Variants in UBR4 observed in about 807,000 individuals in gnomAD.
UBR4 encodes ubiquitin protein ligase E3 component n-recognin 4, also known as E3 ubiquitin-protein ligase UBR4.
In UBR4, 124 loss-of-function variants were observed where a neutral mutation model predicts 575.6. The ratio of observed to expected loss-of-function variants is 0.22; its 90% CI spans 0.19 to 0.25. The LOEUF (loss-of-function observed/expected upper bound fraction) is 0.25, where lower values mean the gene tolerates loss of function less well. UBR4 is among the 10% of genes least tolerant of loss of function. The pLI is 1.00. For missense variants in UBR4, 4,818 were observed against 6,478.8 expected (o/e 0.74, Z 8.80); for synonymous variants, 2,455 against 2,473.7 (o/e 0.99, Z 0.22).
Position 19,113,847 on chromosome 1 carries a change from G to A in UBR4, c.11329-20C>T, listed in dbSNP as rs755175967. 2 of 1,614,178 alleles carry A rather than the reference G, an allele frequency of 1.2e-6. No individual in the cohort carries two copies. The highest frequency in any genetic ancestry group is 1.7e-6 in the Non-Finnish European group (2 of 1,180,004). On this transcript the variant is annotated intron_variant, in intron 76 of 105. Transcript: ENST00000375254. ...GTCATCCTGCAACCCCAAGAGGTAA[G>A]CTGTCAGGCTCCCCACCTAAGGTGA...
At chr1:19,163,287 C>G (rs1022405916) in intron 34 of UBR4, among the ~76,000 whole-genome samples, 1 of 152,160 alleles carries the variant, frequency 6.6e-6, no homozygotes, top group Non-Finnish European at 1.5e-5. Flanking sequence ...ATGGGTTGGG[C>G]AGGAGGAGAA....
Position 19,093,861 on chromosome 1 carries a change from A to G in UBR4, c.13937+88T>C, listed in dbSNP as rs2077766993. 6 of 1,425,020 alleles carry G rather than the reference A, an allele frequency of 4.2e-6. No individual in the cohort carries two copies. Among genetic ancestry groups the G allele is most frequent in the Non-Finnish European group, 5.7e-6 (6 of 1,051,718 alleles). 88.3% of individuals were successfully genotyped at this position (1,425,020 alleles called of 1,614,324 possible). A position where few individuals can be genotyped will look rare whatever the true frequency, so the allele number is the denominator to read the frequency against. On this transcript the variant is annotated intron_variant, in intron 95 of 105. Coordinates refer to ENST00000375254, the MANE Select transcript of UBR4 (RefSeq NM_020765.3). This position sits in a 1 kb window ranked among gnomAD's most constrained non-coding sequence, Gnocchi z 4.8. ...ACGAGGACACAAAAATCTAATAGGT[A>G]TTCAGAGGATTCTTCCTCATCTCAC...
chr1:19,187,079 TA>T (rs1557963756), intron 13 of UBR4, 84 bp downstream of exon 13: 50 of 569,098 alleles, frequency 8.8e-5, no homozygotes, highest in African/African-American at 3.5e-4. Flanking sequence ...GAAAGTTTTA[TA>T]TATATATATA....
chr1:19,155,046 A>G lies in UBR4; in HGVS notation c.6330T>C (p.Gly2110=). The G allele has an allele frequency of 6.2e-7, 1 of 1,614,072 alleles. No individual in the cohort carries two copies. The highest frequency in any genetic ancestry group is 8.5e-7 in the Non-Finnish European group (1 of 1,180,004). The change falls in exon 44 of 106, where the codon GGT becomes GGC. Residue 2110 remains glycine, a synonymous_variant. Transcript: ENST00000375254. ...KDSNSQVAGG[G]VSVYYSHVLQ... is the part of the protein sequence containing the mutation. ...ACACGTGGGAGTAGTACACGGACAC[A>G]CCACCGCCCGCCACCTGGCTGTTAC...
intron 13 of UBR4, 87 bp downstream of exon 13, chr1:19,187,077 T>TAC (rs1491432861): frequency 6.9e-5 from 6 of 86,954 alleles, no homozygotes; most frequent in Non-Finnish European, 8.6e-5. Context: ...AAGAAAGTTT[T>TAC]ATATATATAT....
intron 17 of UBR4, among the ~76,000 whole-genome samples, chr1:19,181,474 T>C (rs1303653609): frequency 1.3e-5 from 2 of 152,220 alleles, no homozygotes; most frequent in African/African-American, 2.4e-5. Flanking sequence ...ATTTGAGTTT[T>C]AAACTCAGGC....
In UBR4 at chr1:19,164,969, C is replaced by T. The variant is rs1242185871; in HGVS notation, c.4341G>A (p.Leu1447=). The change falls in exon 32 of 106, where the codon TTG becomes TTA. Residue 1447 remains leucine (L), a synonymous_variant. Coordinates refer to ENST00000375254, the MANE Select transcript of UBR4 (RefSeq NM_020765.3). ...LTEKSPNPSL[L]HLCGSLAQLA... ...GTTGTGCCAGGGAGCCACAGAGATG[C>T]AACAGGCTCGGGTTAGGGCTCTTCT... 6.2e-7 allele frequency: 1 copy of T among 1,614,040 alleles called. No homozygotes were observed. The highest frequency in any genetic ancestry group is 8.5e-7 in the Non-Finnish European group (1 of 1,180,010).
chr1:19,093,283 A>G lies in UBR4; in HGVS notation c.14111+30T>C. 6.2e-7 allele frequency: 1 copy of G among 1,606,730 alleles called. No homozygotes were observed. Among genetic ancestry groups the G allele is most frequent in the Admixed American group, 1.7e-5 (1 of 59,534 alleles). On this transcript the variant is annotated intron_variant, in intron 96 of 105. Coordinates refer to ENST00000375254, the MANE Select transcript of UBR4 (RefSeq NM_020765.3). This position sits in a 1 kb window ranked among gnomAD's most constrained non-coding sequence, Gnocchi z 4.8. ...AAAAGGAAAGGGCAAAGCGAAGGCA[A>G]AGCAGCCCCGCTGCGGGAGGGCTTC... is the stretch of plus-strand genomic sequence containing the variant.
chr1:19,115,718 C>T, intron 73 of UBR4, 81 bp from the exon 74 acceptor site: 1 of 1,540,404 alleles, frequency 6.5e-7, no homozygotes. Flanking sequence ...GGAAGACTGT[C>T]CCATGTATTT....
chr1:19,084,421 C>A, intron 102 of UBR4, 83 bp downstream of exon 102: 1 of 1,410,446 alleles, frequency 7.1e-7, no homozygotes, highest in Non-Finnish European at 9.7e-7. Context: ...GCATGAGAGG[C>A]TATGAAAAAG....
At chr1:19,156,703 C>G (rs2086507599) in intron 41 of UBR4, 64 bp downstream of exon 41, 1 of 1,554,100 alleles carries the variant, frequency 6.4e-7, no homozygotes, top group Non-Finnish European at 8.7e-7. Flanking sequence ...GTTCTGAGAA[C>G]AGGGGAGAGA....
Position 19,078,054 on chromosome 1 carries a change from C to T in UBR4, c.15246G>A (p.Lys5082=), listed in dbSNP as rs1230273998. The part of the protein sequence containing the change: ...APGGATRLTD[K]AVKDYSAYRS... ...GGTAAGCGGAATAGTCCTTCACTGCCTTATCTGTCAGCCTGGAAAAGAAAA... is the reference window on the plus strand; with the variant it reads ...GGTAAGCGGAATAGTCCTTCACTGCTTTATCTGTCAGCCTGGAAAAGAAAA... The change falls in exon 104 of 106, where the codon AAG becomes AAA. Residue 5082 remains lysine (K), a synonymous_variant. Coordinates refer to ENST00000375254, the MANE Select transcript of UBR4 (RefSeq NM_020765.3). 6.2e-7 allele frequency: 1 copy of T among 1,613,992 alleles called. No individual in the cohort carries two copies.
At chr1:19,169,197 G>A (rs1463410749) in intron 27 of UBR4, among the ~76,000 whole-genome samples, 1 of 152,152 alleles carries the variant, frequency 6.6e-6, no homozygotes, top group Admixed American at 6.5e-5. Context: ...TGAAGAAACT[G>A]AGGCTCAAAT....
At position 19,091,689 on chromosome 1, in the gene UBR4, G is replaced by A. The variant is rs1290382552; in HGVS notation, c.14211+1130C>T. Among the ~76,000 whole-genome samples, 8 of 152,228 alleles carry A rather than the reference G, an allele frequency of 5.3e-5. No homozygotes were observed. In the South Asian group the frequency reaches 8.3e-4, roughly 16 times the overall value. ...CTGGCTAAGACGCAGAGAAACTGGA[G>A]CAGCCATACATTTCCGGTGAAATGT... On this transcript the variant is annotated intron_variant, in intron 97 of 105. Transcript: ENST00000375254.
rs1557827472 is a variant in UBR4, at chr1:19,156,381, C to T, written c.5962G>A (p.Asp1988Asn). The T allele has an allele frequency of 6.2e-7, 1 of 1,614,136 alleles. No individual in the cohort carries two copies. The highest frequency in any genetic ancestry group is 2.2e-5 in the East Asian group (1 of 44,872). The stretch of plus-strand genomic sequence containing the variant: ...AACTGAGGGTGCAAAACCAAGTGAT[C>T]CGAAACAGAGCCTGAGCTACTAAAG... ...LTFSSSGSVSDHLVLHPQLAT... is the reference protein window; with the variant it reads ...LTFSSSGSVSNHLVLHPQLAT... Residue 1988 changes from aspartate to asparagine, a missense_variant, in exon 42 of 106, where the codon GAT (aspartate) becomes AAT (asparagine). Transcript: ENST00000375254.
chr1:19,142,845 C>T (rs930984754), intron 55 of UBR4, among the ~76,000 whole-genome samples: 8 of 152,014 alleles, frequency 5.3e-5, no homozygotes, highest in Non-Finnish European at 8.8e-5. Context: ...AAGTACAGGC[C>T]GAGCAGTGGC....
chr1:19,083,131 C>T (rs546130773), intron 102 of UBR4, among the ~76,000 whole-genome samples: 11 of 152,234 alleles, frequency 7.2e-5, no homozygotes, highest in Admixed American at 2.6e-4. Context: ...GGGCTCTGTC[C>T]AGGGCCCCAG....
rs752481165 is a variant in UBR4, at chr1:19,089,880, T to C, written c.14212-903A>G. ...CATGCTCCTAAATGCTGAGCCCATA[T>C]TTCAACTCCTACTGAGCTTTTCCAC... On this transcript the variant is annotated intron_variant, in intron 97 of 105. Transcript: ENST00000375254. This position sits in a 1 kb window ranked among gnomAD's most constrained non-coding sequence, Gnocchi z 4.3. Among the ~76,000 whole-genome samples the C allele has an allele frequency of 6.6e-6, 1 of 152,248 alleles. No homozygotes were observed. Among genetic ancestry groups the C allele is most frequent in the Non-Finnish European group, 1.5e-5 (1 of 68,048 alleles).
chr1:19,122,106 G>A (rs1557672972), intron 66 of UBR4, 94 bp from the exon 67 acceptor site: 2 of 1,268,822 alleles, frequency 1.6e-6, no homozygotes, highest in East Asian at 4.7e-5. Flanking sequence ...CCCTGACTTT[G>A]GACTACACCT....
Sources: allele counts gnomAD v4.1 joint callset (sites outside exome capture counted in the v4.1 genomes callset), GRCh38; gene constraint gnomAD v4.1.1; non-coding constraint Gnocchi (gnomAD v3.1); transcripts MANE v1.5; gene names NCBI Gene and HGNC (gene_info 2026-07-23, HGNC 2026-07-21).